Variants in COL24A1 observed in about 807,000 individuals in gnomAD.
The protein encoded by COL24A1 is collagen type XXIV alpha 1 chain, also known as collagen alpha-1(XXIV) chain.
Under a neutral mutation model 253.9 loss-of-function variants are expected in COL24A1, and 224 were observed. That is an observed-to-expected ratio of 0.88 (90% CI 0.79 to 0.99). COL24A1 has a LOEUF of 0.99. Ranked by LOEUF, COL24A1 falls within the 50% of genes least tolerant of loss-of-function variation. The pLI is 0.00. For missense variants in COL24A1, 2,131 were observed against 2,068.5 expected, an observed-to-expected ratio of 1.03 and a Z score of -0.59; for synonymous variants, 685 against 673.7, an observed-to-expected ratio of 1.02 and a Z score of -0.26.
chr1:85,783,222 T>A (rs1293955999), intron 51 of COL24A1, among the ~76,000 whole-genome samples: 1 of 152,028 alleles, frequency 6.6e-6, no homozygotes, highest in Admixed American at 6.6e-5. Flanking sequence ...GTTCCTGGCG[T>A]GAGTTAATAC....
At chr1:85,996,896 C>T (rs934087307) in intron 19 of COL24A1, among the ~76,000 whole-genome samples, 3 of 151,742 alleles carry the variant, frequency 2.0e-5, no homozygotes, top group African/African-American at 7.3e-5. Flanking sequence ...TTATGAGGAA[C>T]TGGCATGTCT....
intron 14 of COL24A1, among the ~76,000 whole-genome samples, chr1:86,024,660 T>C (rs1282162295): frequency 6.6e-6 from 1 of 152,226 alleles, no homozygotes; most frequent in South Asian, 2.1e-4. Context: ...ATGATGCTTG[T>C]AATTTCAAAT....
intron 2 of COL24A1, among the ~76,000 whole-genome samples, chr1:86,141,731 C>T (rs1331625899): frequency 6.7e-6 from 1 of 149,764 alleles, no homozygotes; most frequent in Non-Finnish European, 1.5e-5. Context: ...GACAGAGTCT[C>T]ACTCTGTCAG....
chr1:85,833,475 G>T (rs1374468980), intron 43 of COL24A1, among the ~76,000 whole-genome samples: 1 of 152,182 alleles, frequency 6.6e-6, no homozygotes, highest in African/African-American at 2.4e-5. Context: ...AACAGGTGCT[G>T]GAGAGGATGT....
At chr1:86,129,035 G>A (rs1648754930) in intron 2 of COL24A1, among the ~76,000 whole-genome samples, 1 of 151,664 alleles carries the variant, frequency 6.6e-6, no homozygotes, top group Non-Finnish European at 1.5e-5. Context: ...TTCCCAAAAA[G>A]TTACAAAAAC....
intron 19 of COL24A1, among the ~76,000 whole-genome samples, chr1:86,015,889 T>C (rs201609975): frequency 3.1e-4 from 46 of 148,892 alleles, no homozygotes; most frequent in African/African-American, 1.0e-3. Context: ...TTTTCTTTTT[T>C]TTTTTTTTTT....
intron 7 of COL24A1, among the ~76,000 whole-genome samples, chr1:86,074,698 T>G (rs113679160): frequency 4.6e-5 from 7 of 152,278 alleles, no homozygotes; most frequent in African/African-American, 1.7e-4. Context: ...ATTGACCACA[T>G]AATTGGAAGT....
chr1:85,850,966 C>G (rs1677694620), intron 37 of COL24A1, among the ~76,000 whole-genome samples: 1 of 149,204 alleles, frequency 6.7e-6, no homozygotes, highest in Admixed American at 6.7e-5. Context: ...AGAAATAGAA[C>G]CAATATATGT....
At chr1:85,780,778 C>T (rs908742927) in intron 52 of COL24A1, among the ~76,000 whole-genome samples, 2 of 152,180 alleles carry the variant, frequency 1.3e-5, no homozygotes, top group African/African-American at 4.8e-5. Flanking sequence ...AATTTATTCT[C>T]TCAAAGATTA....
chr1:85,849,040 G>A (rs1677465972), intron 38 of COL24A1, among the ~76,000 whole-genome samples: 1 of 152,024 alleles, frequency 6.6e-6, no homozygotes, highest in Non-Finnish European at 1.5e-5. Flanking sequence ...AAGCACAAAT[G>A]GTATAGTATT....
chr1:85,998,121 G>A (rs970132689), intron 19 of COL24A1, among the ~76,000 whole-genome samples: 2 of 152,116 alleles, frequency 1.3e-5, no homozygotes, highest in African/African-American at 4.8e-5. Flanking sequence ...CACTTGCAAT[G>A]GAAAAAGACC....
chr1:86,119,441 G>C lies in COL24A1; in HGVS notation c.1492-4063C>G, dbSNP rs112189400. Among the ~76,000 whole-genome samples, 423 of 152,252 alleles carry C rather than the reference G, an allele frequency of 2.8e-3. 3 individuals carry two copies. Among genetic ancestry groups the C allele is most frequent in the African/African-American group, 9.7e-3 (402 of 41,552 alleles). ...ACTTCAAAGAGACAAGAGTAGAAAA[G>C]GTGGAGCTGAAGAAGAACATACCTT... is the stretch of plus-strand genomic sequence containing the variant. On this transcript the variant is annotated intron_variant, in intron 3 of 59. Transcript: ENST00000370571.
chr1:85,940,440 A>AAAAG (rs1688643091), intron 24 of COL24A1, among the ~76,000 whole-genome samples: 3 of 149,266 alleles, frequency 2.0e-5, no homozygotes, highest in Non-Finnish European at 4.4e-5. Context: ...AAAAAAAAAA[A>AAAAG]GTGCCATAAG....
chr1:85,824,629 G>A (rs1299577877), intron 43 of COL24A1, among the ~76,000 whole-genome samples: 4 of 151,988 alleles, frequency 2.6e-5, no homozygotes, highest in Admixed American at 1.3e-4. Flanking sequence ...GCAATCTGTC[G>A]TCACCTTAGT....
At chr1:85,891,226 T>G (rs1683102810) in intron 31 of COL24A1, among the ~76,000 whole-genome samples, 1 of 150,044 alleles carries the variant, frequency 6.7e-6, no homozygotes. Flanking sequence ...AATTTTTTTT[T>G]TTTTTTTTTT....
intron 37 of COL24A1, among the ~76,000 whole-genome samples, chr1:85,850,727 C>G: frequency 6.6e-6 from 1 of 152,042 alleles, no homozygotes; most frequent in East Asian, 1.9e-4. Context: ...TTCTAAAGGC[C>G]TCAGATTCCT....
At chr1:86,044,677 C>T (rs990698618) in intron 12 of COL24A1, among the ~76,000 whole-genome samples, 2 of 152,050 alleles carry the variant, frequency 1.3e-5, no homozygotes, top group Non-Finnish European at 2.9e-5. Context: ...TTTTTAAATT[C>T]AATAGACTCC....
In COL24A1 at chr1:86,125,009, T is replaced by A. The variant is rs778036424; in HGVS notation, c.1327A>T (p.Asn443Tyr). 6.2e-7 allele frequency: 1 copy of A among 1,613,232 alleles called. No homozygotes were observed. The highest frequency in any genetic ancestry group is 2.2e-5 in the East Asian group (1 of 44,844). ...CCTTCTTTCCTTAGATCAAGGTGAT[T>A]ATCCACAGATGGCTCATTTGTCACT... ...HRVTNEPSVDNHLDLRKEGEF... is the reference protein window; with the variant it reads ...HRVTNEPSVDYHLDLRKEGEF... Residue 443 changes from asparagine (N) to tyrosine (Y), a missense_variant, in exon 3 of 60, where the codon AAT (asparagine) becomes TAT (tyrosine). By Grantham distance (143) the Asn-to-Tyr change is moderately radical. Transcript: ENST00000370571.
At chr1:86,008,507 T>C (rs1696182440) in intron 19 of COL24A1, among the ~76,000 whole-genome samples, 1 of 152,184 alleles carries the variant, frequency 6.6e-6, no homozygotes, top group Non-Finnish European at 1.5e-5. Context: ...ATTTCTTTAA[T>C]GTAATAAAAT....
Sources: gnomAD v4.1 joint callset for allele counts (sites outside exome capture counted in the v4.1 genomes callset) on GRCh38, gnomAD v4.1.1 for gene constraint, MANE v1.5 for transcripts, NCBI Gene and HGNC (gene_info 2026-07-23, HGNC 2026-07-21) for gene names.